Variants in PIK3C2G observed in about 807,000 individuals in gnomAD.
PIK3C2G encodes the protein phosphatidylinositol-4-phosphate 3-kinase catalytic subunit type 2 gamma, also known as phosphatidylinositol 3-kinase C2 domain-containing subunit gamma.
In PIK3C2G, 168 loss-of-function variants were observed where a neutral mutation model predicts 181.1. The observed-to-expected ratio is 0.93, with a 90% CI of 0.82 to 1.05. The LOEUF (loss-of-function observed/expected upper bound fraction) is 1.05, where lower values mean the gene tolerates loss of function less well. Among genes scored for constraint, PIK3C2G ranks in the 50% least tolerant of loss-of-function variants. The pLI, the probability that PIK3C2G is intolerant of heterozygous loss-of-function variation, is 0.00. For missense variants in PIK3C2G, 1,869 were observed against 1,732.8 expected, an observed-to-expected ratio of 1.08 and a Z score of -1.40; for synonymous variants, 573 against 592.2, an observed-to-expected ratio of 0.97 and a Z score of 0.47.
chr12:18,335,072 T>C (rs2137568709), intron 8 of PIK3C2G, among the ~76,000 whole-genome samples: 1 of 152,214 alleles, frequency 6.6e-6, no homozygotes, highest in South Asian at 2.1e-4. Flanking sequence ...CACATAATCA[T>C]TTTTCTTACT....
intron 13 of PIK3C2G, among the ~76,000 whole-genome samples, chr12:18,374,339 A>C (rs1208393438): frequency 6.6e-6 from 1 of 152,174 alleles, no homozygotes; most frequent in East Asian, 1.9e-4. Flanking sequence ...TGAGTAGCCA[A>C]CCCTGACTCC....
chr12:18,636,109 G>A (rs1949590009), intron 31 of PIK3C2G, among the ~76,000 whole-genome samples: 2 of 152,194 alleles, frequency 1.3e-5, no homozygotes, highest in African/African-American at 2.4e-5. Flanking sequence ...GTTACCATAT[G>A]AACTAAATTA....
rs182404146 is a variant in PIK3C2G at position 18,284,503 on chromosome 12, C to G, written c.678+1744C>G. Among the ~76,000 whole-genome samples the G allele has an allele frequency of 2.5e-3, 378 of 152,218 alleles. 1 individual carries two copies. The highest frequency in any genetic ancestry group is 8.7e-3 in the African/African-American group (360 of 41,536). On this transcript the variant is annotated intron_variant, in intron 2 of 32. Coordinates refer to ENST00000538779, the MANE Select transcript of PIK3C2G (RefSeq NM_001288772.2). ...TGTAAAGAAGCAGGGAATTTTGGCT[C>G]TCGCTCAAGAAAATAACTCTACCAG...
intron 5 of PIK3C2G, among the ~76,000 whole-genome samples, chr12:18,309,986 G>A (rs1380842860): frequency 1.3e-5 from 2 of 151,768 alleles, no homozygotes; most frequent in Non-Finnish European, 3.0e-5. Flanking sequence ...AGTAAATGAA[G>A]TATTTACAGA....
At position 18,343,378 on chromosome 12, in the gene PIK3C2G, T is replaced by C. The variant is rs1939323789; in HGVS notation, c.1429+18T>C. ...AGCAAAAGGTAAAACATACATGTAC[T>C]CAAGTATTTTGAAATAAAGAAAAAA... is the stretch of plus-strand genomic sequence containing the variant. On this transcript the variant is annotated intron_variant, in intron 10 of 32. Coordinates refer to ENST00000538779, the MANE Select transcript of PIK3C2G (RefSeq NM_001288772.2). 3 of 1,252,422 alleles carry C rather than the reference T, an allele frequency of 2.4e-6. No homozygotes were observed. The highest frequency in any genetic ancestry group is 1.5e-5 in the African/African-American group (1 of 65,302). 77.6% of individuals were successfully genotyped at this position (1,252,422 alleles called of 1,614,324 possible). A position where few individuals can be genotyped will look rare whatever the true frequency, so the allele number is the denominator to read the frequency against.
the PIK3C2G span, chr12:18,693,277 T>C: frequency 0.14 from 218,000 of 1,514,734 alleles, 16,976 homozygotes; most frequent in African/African-American, 0.21. Context: ...ATGGATGACA[T>C]GGATCCCCTG....
Position 18,641,743 on chromosome 12 carries a change from C to CTTTTTTTTTTTTT in PIK3C2G, c.4308+1197_4308+1209dup, listed in dbSNP as rs11285609. ...AAAACCCTGGCTTCTCTCTCTCAAG[C>CTTTTTTTTTTTTT]TTTTTTTTTTTTTTTTTTTTGAGAT... On this transcript the variant is annotated intron_variant, in intron 32 of 32. Transcript: ENST00000538779. Among the ~76,000 whole-genome samples, 673 of 93,146 alleles carry CTTTTTTTTTTTTT rather than the reference C, an allele frequency of 7.2e-3. 101 individuals are homozygous for CTTTTTTTTTTTTT. The highest frequency in any genetic ancestry group is 0.031 in the African/African-American group (631 of 20,316). The allele number at this position is 93,146 out of a possible 152,430, so 61.1% of individuals were successfully genotyped here. A position where few individuals can be genotyped will look rare whatever the true frequency, so the allele number is the denominator to read the frequency against.
chr12:18,607,729 C>T (rs1948110873), intron 30 of PIK3C2G, among the ~76,000 whole-genome samples: 1 of 152,020 alleles, frequency 6.6e-6, no homozygotes, highest in South Asian at 2.1e-4. Context: ...AGCTTCTGCA[C>T]AGAAAAAGAA....
At chr12:18,434,844 T>TAACAGACAAAAA (rs1340376816) in intron 18 of PIK3C2G, among the ~76,000 whole-genome samples, 1 of 152,050 alleles carries the variant, frequency 6.6e-6, no homozygotes, top group African/African-American at 2.4e-5. Context: ...AAATTAGTCT[T>TAACAGACAAAAA]AACAGACAAA....
intron 8 of PIK3C2G, among the ~76,000 whole-genome samples, chr12:18,333,486 C>A (rs116846279): frequency 0.036 from 5,408 of 152,096 alleles, 171 homozygotes; most frequent in Middle Eastern, 0.078. Context: ...ACTCCCTGTG[C>A]CCCTGTGTTC....
At chr12:18,502,547 C>G (rs781204140) in intron 22 of PIK3C2G, among the ~76,000 whole-genome samples, 4 of 152,126 alleles carry the variant, frequency 2.6e-5, no homozygotes, top group African/African-American at 9.7e-5. Context: ...GCTTTAAGTA[C>G]TGGATCTAAA....
intron 4 of PIK3C2G, among the ~76,000 whole-genome samples, chr12:18,291,822 T>C (rs1284767703): frequency 6.6e-6 from 1 of 151,840 alleles, no homozygotes; most frequent in Non-Finnish European, 1.5e-5. Context: ...CATAGCAGTG[T>C]TATATTGGTA....
intron 31 of PIK3C2G, among the ~76,000 whole-genome samples, chr12:18,613,103 T>C (rs1592715739): frequency 6.6e-6 from 1 of 152,252 alleles, no homozygotes; most frequent in Non-Finnish European, 1.5e-5. Flanking sequence ...CACTTTTCCA[T>C]GTATCCGTCC....
At chr12:18,301,535 C>A (rs915919872) in intron 5 of PIK3C2G, among the ~76,000 whole-genome samples, 1 of 151,868 alleles carries the variant, frequency 6.6e-6, no homozygotes, top group Non-Finnish European at 1.5e-5. Flanking sequence ...TCACTGAATT[C>A]TTTTGTTCCA....
At chr12:18,684,569 C>T in the PIK3C2G span, among the ~76,000 whole-genome samples, 1 of 151,976 alleles carries the variant, frequency 6.6e-6, no homozygotes, top group East Asian at 1.9e-4. Context: ...TACATAATTT[C>T]CTAAGGTTTC....
chr12:18,723,350 C>T, the PIK3C2G span: 1 of 1,612,592 alleles, frequency 6.2e-7, no homozygotes, highest in East Asian at 2.2e-5. Context: ...ATCTCAAAAG[C>T]AATAGCTTTA....
chr12:18,471,012 C>T (rs553034101), intron 18 of PIK3C2G, among the ~76,000 whole-genome samples: 36 of 152,032 alleles, frequency 2.4e-4, no homozygotes, highest in Non-Finnish European at 2.5e-4. Context: ...AGTTAAGAAA[C>T]GTTAACTTAG....
chr12:18,406,690 C>A (rs563678752), intron 16 of PIK3C2G, among the ~76,000 whole-genome samples: 35 of 152,158 alleles, frequency 2.3e-4, no homozygotes, highest in Non-Finnish European at 4.1e-4. Context: ...GTACTAACAG[C>A]CAACAGCCTG....
At chr12:18,715,268 C>T in the PIK3C2G span, among the ~76,000 whole-genome samples, 1 of 146,062 alleles carries the variant, frequency 6.8e-6, no homozygotes, top group East Asian at 2.1e-4. Flanking sequence ...GTTGGAAGAA[C>T]CCTGATGAGG....
Sources: allele counts gnomAD v4.1 joint callset (sites outside exome capture counted in the v4.1 genomes callset), GRCh38; gene constraint gnomAD v4.1.1; transcripts MANE v1.5; gene names NCBI Gene and HGNC (gene_info 2026-07-23, HGNC 2026-07-21).